ZNF385D: variants seen among roughly 807,000 people sequenced by gnomAD.
The protein encoded by ZNF385D is zinc finger protein 385D.
A neutral mutation model predicts 35.8 loss-of-function variants in ZNF385D; 15 were observed. The ratio of observed to expected loss-of-function variants is 0.42; its 90% CI spans 0.28 to 0.64. The LOEUF is 0.64. Ranked by LOEUF, ZNF385D falls within the 30% of genes least tolerant of loss-of-function variation. The pLI, the probability that ZNF385D is intolerant of heterozygous loss-of-function variation, is 0.23. For synonymous variants in ZNF385D, 212 were observed against 186.8 expected (o/e 1.13, Z -1.10); for missense variants, 474 against 494.6 (o/e 0.96, Z 0.39).
chr3:22,085,019 G>C (rs1350387361), intron 3 of ZNF385D, among the ~76,000 whole-genome samples: 2 of 152,128 alleles, frequency 1.3e-5, no homozygotes. Context: ...GATGTTCTTT[G>C]AAACCAATGA....
intron 4 of ZNF385D, among the ~76,000 whole-genome samples, chr3:21,442,999 C>T (rs1178381725): frequency 6.6e-6 from 1 of 151,974 alleles, no homozygotes; most frequent in South Asian, 2.1e-4. Flanking sequence ...CATTTGGCCA[C>T]CCCAAATCAC....
chr3:21,997,900 TGTG>T (rs1695582660), intron 3 of ZNF385D, among the ~76,000 whole-genome samples: 1 of 150,378 alleles, frequency 6.6e-6, no homozygotes, highest in African/African-American at 2.5e-5. Context: ...TGTGTGTGTG[TGTG>T]TGTGACAGAA....
intron 3 of ZNF385D, among the ~76,000 whole-genome samples, chr3:21,927,117 C>T (rs752099612): frequency 6.6e-6 from 1 of 151,906 alleles, no homozygotes; most frequent in Admixed American, 6.6e-5. Flanking sequence ...AATCTGACAC[C>T]TCCCTCCCCT....
At chr3:21,780,625 T>C (rs757125191) in intron 3 of ZNF385D, among the ~76,000 whole-genome samples, 14 of 152,114 alleles carry the variant, frequency 9.2e-5, no homozygotes, top group Admixed American at 3.3e-4. Flanking sequence ...AGTTCACATA[T>C]GGAAGTGCTA....
intron 4 of ZNF385D, among the ~76,000 whole-genome samples, chr3:21,476,745 C>T (rs2125362856): frequency 6.6e-6 from 1 of 152,042 alleles, no homozygotes; most frequent in African/African-American, 2.4e-5. Flanking sequence ...ATTTCCTTAC[C>T]CAAATGTAAT....
intron 2 of ZNF385D, among the ~76,000 whole-genome samples, chr3:21,633,164 CACTT>C (rs2065330945): frequency 1.3e-5 from 2 of 152,144 alleles, no homozygotes; most frequent in East Asian, 1.9e-4. Flanking sequence ...TGTGTAAACT[CACTT>C]GCTTGGGTCC....
intron 3 of ZNF385D, among the ~76,000 whole-genome samples, chr3:21,810,321 A>G (rs2072859308): frequency 6.6e-6 from 1 of 151,948 alleles, no homozygotes. Flanking sequence ...CGATAAAAAG[A>G]AAGATATCAC....
At chr3:21,780,254 G>A (rs2071437910) in intron 3 of ZNF385D, among the ~76,000 whole-genome samples, 1 of 151,768 alleles carries the variant, frequency 6.6e-6, no homozygotes, top group South Asian at 2.1e-4. Flanking sequence ...CCTATGAGAC[G>A]AGTTTCACAC....
In ZNF385D at chr3:22,151,922, A is replaced by T. The variant is rs115975580; in HGVS notation, c.325+16895T>A. Reference sequence around the variant, plus strand: ...ATATAGGTAAACTGGGCAACATAGGAGTTTCTTGTACAGGTTATTTAATCA... The same window carrying T: ...ATATAGGTAAACTGGGCAACATAGGTGTTTCTTGTACAGGTTATTTAATCA... On this transcript the variant is annotated intron_variant, in intron 3 of 5. Transcript: ENST00000494108. Among the ~76,000 whole-genome samples the T allele has an allele frequency of 4.8e-3, 731 of 152,138 alleles. 3 individuals are homozygous for T. The highest frequency in any genetic ancestry group is 0.017 in the African/African-American group (697 of 41,502).
At chr3:21,976,294 G>A (rs1233790905) in intron 3 of ZNF385D, among the ~76,000 whole-genome samples, 1 of 151,952 alleles carries the variant, frequency 6.6e-6, no homozygotes, top group Admixed American at 6.6e-5. Flanking sequence ...ATAGACAACA[G>A]AAACATATCT....
chr3:22,184,085 A>G (rs1257681223), intron 2 of ZNF385D, among the ~76,000 whole-genome samples: 1 of 152,144 alleles, frequency 6.6e-6, no homozygotes, highest in Non-Finnish European at 1.5e-5. Context: ...TAATTTACTT[A>G]CAGTAGTGGT....
At chr3:21,902,475 G>A (rs1256777602) in intron 3 of ZNF385D, among the ~76,000 whole-genome samples, 3 of 152,104 alleles carry the variant, frequency 2.0e-5, no homozygotes, top group African/African-American at 4.8e-5. Flanking sequence ...TATCTGATGG[G>A]AATAGATCAA....
intron 3 of ZNF385D, among the ~76,000 whole-genome samples, chr3:22,080,601 T>C (rs2125581956): frequency 6.6e-6 from 1 of 152,072 alleles, no homozygotes; most frequent in East Asian, 1.9e-4. Flanking sequence ...AATTTTATAT[T>C]TTATATACAA....
chr3:22,033,522 A>G (rs2125486873), intron 3 of ZNF385D, among the ~76,000 whole-genome samples: 1 of 152,014 alleles, frequency 6.6e-6, no homozygotes, highest in Non-Finnish European at 1.5e-5. Flanking sequence ...ATATATTTTA[A>G]AAGACCTTAA....
intron 3 of ZNF385D, among the ~76,000 whole-genome samples, chr3:21,885,734 CTGTGTCTGTGTGTGTGTGTG>C (rs57852548): frequency 0.025 from 3,254 of 131,914 alleles, 74 homozygotes; most frequent in African/African-American, 0.054. Context: ...CAGGGTGTGT[CTGTGTCTGTGTGTGTGTGTG>C]TGTGTGTGTG....
At chr3:22,027,891 C>A (rs890260336) in intron 3 of ZNF385D, among the ~76,000 whole-genome samples, 1 of 152,160 alleles carries the variant, frequency 6.6e-6, no homozygotes, top group Non-Finnish European at 1.5e-5. Flanking sequence ...ACAGATGGTT[C>A]TGCACTATAT....
chr3:22,233,848 T>A (rs1699031219), intron 2 of ZNF385D, among the ~76,000 whole-genome samples: 1 of 152,114 alleles, frequency 6.6e-6, no homozygotes, highest in African/African-American at 2.4e-5. Flanking sequence ...TAAGAAACAA[T>A]TTAATGGTTG....
intron 3 of ZNF385D, among the ~76,000 whole-genome samples, chr3:21,550,734 G>T (rs2062538805): frequency 6.6e-6 from 1 of 152,138 alleles, no homozygotes; most frequent in Non-Finnish European, 1.5e-5. Flanking sequence ...ACCTGCCCCT[G>T]CCTCCCAAAG....
At chr3:21,995,288 C>T (rs9830538) in intron 3 of ZNF385D, among the ~76,000 whole-genome samples, 10,960 of 152,230 alleles carry the variant, frequency 0.072, 1,288 homozygotes, top group African/African-American at 0.25. Flanking sequence ...TGGCAAAAGG[C>T]CATGTGGGTC....
Sources: gnomAD v4.1 joint callset for allele counts (sites outside exome capture counted in the v4.1 genomes callset) on GRCh38, gnomAD v4.1.1 for gene constraint, MANE v1.5 for transcripts, NCBI Gene and HGNC (gene_info 2026-07-23, HGNC 2026-07-21) for gene names.